The following PLCH1 variants were observed in gnomAD, a reference collection of about 807,000 sequenced individuals.
PLCH1 encodes the protein 1-phosphatidylinositol 4,5-bisphosphate phosphodiesterase eta-1.
In PLCH1, 60 loss-of-function variants were observed where a neutral mutation model predicts 126.7. That is an observed-to-expected ratio of 0.47 (90% CI 0.38 to 0.59). The LOEUF (loss-of-function observed/expected upper bound fraction) is 0.59. PLCH1 is among the 20% of genes least tolerant of loss of function. PLCH1 has a pLI of 0.00. For missense variants in PLCH1, 1,723 were observed against 2,040.0 expected (o/e 0.84, Z 2.99); for synonymous variants, 719 against 734.9 (o/e 0.98, Z 0.35).
intron 1 of PLCH1, among the ~76,000 whole-genome samples, chr3:155,740,676 C>A (rs1749556559): frequency 6.6e-6 from 1 of 152,020 alleles, no homozygotes. Flanking sequence ...CATAGTGAGA[C>A]CTCATGTCTA....
chr3:155,560,354 G>A (rs1282696668), intron 8 of PLCH1, among the ~76,000 whole-genome samples: 1 of 152,166 alleles, frequency 6.6e-6, no homozygotes, highest in African/African-American at 2.4e-5. Flanking sequence ...GCTGAGAGCA[G>A]AATGTCACCT....
At chr3:155,522,497 C>A (rs544850661) in intron 11 of PLCH1, among the ~76,000 whole-genome samples, 2 of 152,116 alleles carry the variant, frequency 1.3e-5, no homozygotes, top group African/African-American at 4.8e-5. Flanking sequence ...TCCATTTGGC[C>A]CATTTAAAGG....
chr3:155,650,446 G>A (rs1740585683), intron 2 of PLCH1, among the ~76,000 whole-genome samples: 1 of 152,066 alleles, frequency 6.6e-6, no homozygotes, highest in South Asian at 2.1e-4. Flanking sequence ...AGTAGGAATC[G>A]CTATGACCAG....
chr3:155,616,514 A>G (rs1735821347), intron 2 of PLCH1, among the ~76,000 whole-genome samples: 1 of 152,204 alleles, frequency 6.6e-6, no homozygotes, highest in African/African-American at 2.4e-5. Context: ...GAAAATTGTA[A>G]AAGGTTATAA....
intron 1 of PLCH1, among the ~76,000 whole-genome samples, chr3:155,744,241 G>A (rs1749823628): frequency 6.6e-6 from 1 of 152,202 alleles, no homozygotes; most frequent in Non-Finnish European, 1.5e-5. Flanking sequence ...GCCGCCGCGG[G>A]GCCGGGGTTT....
intron 2 of PLCH1, among the ~76,000 whole-genome samples, chr3:155,662,287 C>T (rs1038548098): frequency 6.6e-6 from 1 of 151,998 alleles, no homozygotes; most frequent in Non-Finnish European, 1.5e-5. Flanking sequence ...ACCCTGTCTG[C>T]ACACACACAA....
At chr3:155,737,207 G>T (rs1158975007) in intron 1 of PLCH1, among the ~76,000 whole-genome samples, 1 of 108,884 alleles carries the variant, frequency 9.2e-6, no homozygotes, top group East Asian at 2.8e-4. Context: ...ACTCCAGCCT[G>T]GGTGACAGAG....
intron 2 of PLCH1, among the ~76,000 whole-genome samples, chr3:155,659,670 T>C (rs1254085530): frequency 6.6e-6 from 1 of 151,976 alleles, no homozygotes; most frequent in African/African-American, 2.4e-5. Flanking sequence ...AGCTAATTTT[T>C]GTATTTTTAG....
At chr3:155,543,008 C>T (rs1338103819) in intron 10 of PLCH1, among the ~76,000 whole-genome samples, 1 of 152,222 alleles carries the variant, frequency 6.6e-6, no homozygotes. Context: ...AACGCAGCTC[C>T]TCACCAGCAA....
intron 2 of PLCH1, among the ~76,000 whole-genome samples, chr3:155,688,174 C>T (rs1224265719): frequency 2.6e-5 from 4 of 152,234 alleles, no homozygotes; most frequent in Admixed American, 6.5e-5. Flanking sequence ...AGGACCTCAG[C>T]CCTTTAGCAG....
intron 2 of PLCH1, among the ~76,000 whole-genome samples, chr3:155,663,649 G>C (rs1477810218): frequency 6.6e-6 from 1 of 152,154 alleles, no homozygotes; most frequent in Non-Finnish European, 1.5e-5. Context: ...GCCTCACGCA[G>C]GGGCTATGGC....
At chr3:155,491,949 C>T (rs934050565) in intron 18 of PLCH1, among the ~76,000 whole-genome samples, 5 of 151,976 alleles carry the variant, frequency 3.3e-5, no homozygotes, top group African/African-American at 1.2e-4. Context: ...CAGTTCTGGG[C>T]GACGAACAAT....
chr3:155,709,762 C>T (rs890829975), intron 1 of PLCH1, among the ~76,000 whole-genome samples: 3 of 152,050 alleles, frequency 2.0e-5, no homozygotes, highest in African/African-American at 4.8e-5. Flanking sequence ...GGACCACCAG[C>T]GTGAACCACC....
At chr3:155,473,619 G>T (rs1398678330) in intron 21 of PLCH1, among the ~76,000 whole-genome samples, 33 of 151,412 alleles carry the variant, frequency 2.2e-4, no homozygotes, top group East Asian at 1.6e-3. Context: ...CATCGCCAAG[G>T]AAATCCTAAG....
intron 8 of PLCH1, among the ~76,000 whole-genome samples, chr3:155,556,786 C>T (rs1726870229): frequency 1.3e-5 from 2 of 152,190 alleles, no homozygotes; most frequent in Admixed American, 6.5e-5. Flanking sequence ...TTCCAGCCTG[C>T]TGGCCAGCTC....
chr3:155,565,182 G>A, intron 7 of PLCH1, 64 bp from the exon 8 acceptor site: 1 of 1,002,278 alleles, frequency 1.0e-6, no homozygotes, highest in Non-Finnish European at 1.6e-6. Context: ...GGCTCTAAGA[G>A]GGGCAAAAGG....
chr3:155,602,674 T>C (rs1384955513), intron 2 of PLCH1, among the ~76,000 whole-genome samples: 2 of 152,174 alleles, frequency 1.3e-5, no homozygotes, highest in Non-Finnish European at 2.9e-5. Flanking sequence ...AACATAATGG[T>C]AAATATTTGT....
At chr3:155,553,252 T>A (rs1203902387) in intron 9 of PLCH1, among the ~76,000 whole-genome samples, 1 of 152,152 alleles carries the variant, frequency 6.6e-6, no homozygotes. Context: ...GTAGCTGGGA[T>A]TACAGATGTG....
At chr3:155,528,249 A>G (rs1161710838) in intron 10 of PLCH1, among the ~76,000 whole-genome samples, 1 of 137,620 alleles carries the variant, frequency 7.3e-6, no homozygotes, top group Non-Finnish European at 1.6e-5. Flanking sequence ...AAAAAAAAAA[A>G]GTTGGGATCT....
Sources: allele counts gnomAD v4.1 joint callset (sites outside exome capture counted in the v4.1 genomes callset), GRCh38; gene constraint gnomAD v4.1.1; transcripts MANE v1.5; gene names NCBI Gene and HGNC (gene_info 2026-07-23, HGNC 2026-07-21).